ELMOD3: variants seen among roughly 807,000 people sequenced by gnomAD.
The protein encoded by ELMOD3 is ELMO domain containing 3.
In ELMOD3, 36 loss-of-function variants were observed where a neutral mutation model predicts 47.4. The observed-to-expected ratio is 0.76, with a 90% CI of 0.58 to 1.00. The LOEUF is 1.00. Ranked by LOEUF, ELMOD3 falls within the 50% of genes least tolerant of loss-of-function variation. ELMOD3 has a pLI of 0.00. For synonymous variants in ELMOD3, 149 were observed against 183.5 expected (o/e 0.81, Z 1.52); for missense variants, 404 against 463.8 (o/e 0.87, Z 1.18).
chr2:85,369,761 G>T lies in ELMOD3; in HGVS notation c.291G>T (p.Gln97His). The T allele has an allele frequency of 1.2e-6, 2 of 1,614,134 alleles. No individual in the cohort carries two copies. The highest frequency in any genetic ancestry group is 1.7e-6 in the Non-Finnish European group (2 of 1,179,984). ...PETGSQASSE[Q>H]PGQLISFSEA... ...CAGGGAGCCAAGCTAGCTCAGAGCA[G>T]CCTGGGCAGCTAATCTCCTTCAGTG... The change falls in exon 8 of 14, where the codon CAG (glutamine) becomes CAT (histidine). Residue 97 changes from glutamine to histidine, a missense_variant. Gln to His is a conservative substitution (Grantham distance 24). Coordinates refer to ENST00000409013, the MANE Select transcript of ELMOD3 (RefSeq NM_001135022.2).
chr2:85,370,769 G>A (rs532582092), intron 8 of ELMOD3, among the ~76,000 whole-genome samples: 1 of 152,216 alleles, frequency 6.6e-6, no homozygotes, highest in Non-Finnish European at 1.5e-5. Context: ...GGGGAGCTGG[G>A]CAGGTGTAAC....
rs761960704 is a variant in ELMOD3, at chr2:85,389,774, C to T, written c.762C>T (p.Ser254=). The T allele has an allele frequency of 1.6e-5, 26 of 1,614,086 alleles. No individual in the cohort carries two copies. Among genetic ancestry groups the T allele is most frequent in the East Asian group, 8.9e-5 (4 of 44,874 alleles). The change falls in exon 12 of 14, where the codon TCC becomes TCT. Residue 254 remains serine (S), a synonymous_variant. Transcript: ENST00000409013. ...HIQQFPFCLM[S]VNITHIAIQA... ...AGCAATTCCCTTTCTGTTTGATGTC[C>T]GTGAACATCACCCACATTGCCATCC...
Position 85,377,345 on chromosome 2 carries a change from A to T in ELMOD3, c.609A>T (p.Gly203=), listed in dbSNP as rs1211999305. 2 of 1,596,542 alleles carry T rather than the reference A, an allele frequency of 1.3e-6. No individual in the cohort carries two copies. Among genetic ancestry groups the T allele is most frequent in the Non-Finnish European group, 1.7e-6 (2 of 1,171,878 alleles). ...GNHWEDLGFQ[G]ANPATDLRGA... ...GTTTCCTCACGGTCTCTGTTACAGGAGCGAATCCAGCCACAGACCTGAGAG... is the reference window on the plus strand; with the variant it reads ...GTTTCCTCACGGTCTCTGTTACAGGTGCGAATCCAGCCACAGACCTGAGAG... Residue 203 remains glycine, a splice_region_variant and synonymous_variant, in exon 11 of 14, where the codon GGA becomes GGT. Transcript: ENST00000409013.
chr2:85,385,137 C>G (rs1325599595), intron 11 of ELMOD3, among the ~76,000 whole-genome samples: 1 of 152,082 alleles, frequency 6.6e-6, no homozygotes, highest in Non-Finnish European at 1.5e-5. Context: ...AAGCTGATAT[C>G]TGGGAGAAGA....
chr2:85,357,430 G>A (rs1683641326), intron 4 of ELMOD3, 178 bp downstream of exon 4: 11 of 428,506 alleles, frequency 2.6e-5, no homozygotes, highest in Non-Finnish European at 4.1e-6. Flanking sequence ...CTAATAGCTT[G>A]TTTTGTAAGT....
chr2:85,387,204 G>A, intron 11 of ELMOD3: 1 of 1,211,014 alleles, frequency 8.3e-7, no homozygotes, highest in South Asian at 1.5e-5. Flanking sequence ...CATCAATGGT[G>A]TTCTCAGCTA....
At position 85,382,954 on chromosome 2, in the gene ELMOD3, AC is replaced by A. The variant is rs1171202776; in HGVS notation, c.738+5481del. 1.6e-3 allele frequency among the ~76,000 whole-genome samples: 180 copies of A among 110,028 alleles called. 1 individual carries two copies. The highest frequency in any genetic ancestry group is 4.4e-3 in the East Asian group (13 of 2,980). 72.2% of individuals were successfully genotyped at this position (110,028 alleles called of 152,430 possible). A position where few individuals can be genotyped will look rare whatever the true frequency, so the allele number is the denominator to read the frequency against. Reference sequence around the variant, plus strand: ...CCAGAAGCAGGAAAAAAAAAAAAAAACAAAAAAAACTCATCTTCCCTGTTAG... The same window carrying A: ...CCAGAAGCAGGAAAAAAAAAAAAAAAAAAAAAAACTCATCTTCCCTGTTAG... On this transcript the variant is annotated intron_variant, in intron 11 of 13. Coordinates refer to ENST00000409013, the MANE Select transcript of ELMOD3 (RefSeq NM_001135022.2).
chr2:85,379,530 G>C (rs1685405020), intron 11 of ELMOD3, among the ~76,000 whole-genome samples: 1 of 152,146 alleles, frequency 6.6e-6, no homozygotes, highest in South Asian at 2.1e-4. Flanking sequence ...AAGACTTGTA[G>C]CCAAGAAAAA....
chr2:85,382,342 G>T (rs1201805419), intron 11 of ELMOD3, among the ~76,000 whole-genome samples: 2 of 151,120 alleles, frequency 1.3e-5, no homozygotes, highest in African/African-American at 2.4e-5. Flanking sequence ...AGAGGCTGAG[G>T]CAGGAGAATG....
chr2:85,358,880 A>G (rs925613748), intron 4 of ELMOD3, among the ~76,000 whole-genome samples: 2 of 152,206 alleles, frequency 1.3e-5, no homozygotes, highest in African/African-American at 2.4e-5. Context: ...TTCCTTGGGT[A>G]TAACTGTGAA....
chr2:85,371,228 C>G lies in ELMOD3; in HGVS notation c.484+19C>G. 6.2e-7 allele frequency: 1 copy of G among 1,614,230 alleles called. No homozygotes were observed. Among genetic ancestry groups the G allele is most frequent in the South Asian group, 1.1e-5 (1 of 91,078 alleles). ...GCTCAGTGTGAGTGCAATGCGAGCC[C>G]ACAGGGCAGTTGCTGCATCTGTGGT... On this transcript the variant is annotated intron_variant, in intron 9 of 13. Transcript: ENST00000409013.
intron 11 of ELMOD3, 22 bp downstream of exon 11, chr2:85,377,496 A>G (rs1414327212): frequency 1.9e-6 from 3 of 1,599,328 alleles, no homozygotes; most frequent in Non-Finnish European, 2.6e-6. Context: ...GTGGGAAGCC[A>G]GAGGAAAGGA....
At chr2:85,390,691 T>A in intron 13 of ELMOD3, 69 bp from the exon 14 acceptor site, 1 of 1,530,250 alleles carries the variant, frequency 6.5e-7, no homozygotes, top group Non-Finnish European at 8.8e-7. Context: ...CTGCTAGGCT[T>A]GAGGCCTTGA....
intron 11 of ELMOD3, among the ~76,000 whole-genome samples, chr2:85,378,399 A>G (rs1685317355): frequency 1.3e-5 from 2 of 152,228 alleles, no homozygotes; most frequent in Non-Finnish European, 2.9e-5. Flanking sequence ...ATATGTGCCC[A>G]AGATAGTCAG....
intron 10 of ELMOD3, among the ~76,000 whole-genome samples, chr2:85,373,918 T>C (rs1275307526): frequency 2.9e-5 from 4 of 137,142 alleles, no homozygotes; most frequent in Non-Finnish European, 6.4e-5. Flanking sequence ...TTCCTAACCC[T>C]CTTTTTTTTT....
Position 85,363,085 on chromosome 2 carries a change from C to T in ELMOD3, c.130-12C>T, listed in dbSNP as rs1379080781. Reference sequence around the variant, plus strand: ...ATTCTATCCTCAAGCTAAAGGTCAGCTGCCTCTACAGATCTCAGAGTTGAA... The same window carrying T: ...ATTCTATCCTCAAGCTAAAGGTCAGTTGCCTCTACAGATCTCAGAGTTGAA... On this transcript the variant is annotated splice_polypyrimidine_tract_variant and intron_variant, in intron 5 of 13. Transcript: ENST00000409013. 6.3e-7 allele frequency: 1 copy of T among 1,587,864 alleles called. No individual in the cohort carries two copies. Among genetic ancestry groups the T allele is most frequent in the South Asian group, 1.1e-5 (1 of 90,280 alleles).
At chr2:85,371,001 C>T in intron 8 of ELMOD3, 85 bp from the exon 9 acceptor site, 2 of 1,484,960 alleles carry the variant, frequency 1.3e-6, no homozygotes, top group Non-Finnish European at 1.8e-6. Context: ...TTTCTGCAAG[C>T]ACTGCCTCTG....
Position 85,368,903 on chromosome 2 carries a change from C to T in ELMOD3, c.268+149C>T, listed in dbSNP as rs12104980. 4,541 of 801,362 alleles carry T rather than the reference C, an allele frequency of 5.7e-3. 99 individuals are homozygous for T. The East Asian group carries it at 0.062, about 11-fold the overall frequency. 49.6% of individuals were successfully genotyped at this position (801,362 alleles called of 1,614,324 possible). On this transcript the variant is annotated intron_variant, in intron 7 of 13. Coordinates refer to ENST00000409013, the MANE Select transcript of ELMOD3 (RefSeq NM_001135022.2). ...TAACTATATAACATAGATTACAGTA[C>T]CTTTTTCAAATCCTAAGATGATGAC... is the stretch of plus-strand genomic sequence containing the variant.
At chr2:85,357,406 G>A in intron 4 of ELMOD3, 154 bp downstream of exon 4, 1 of 457,586 alleles carries the variant, frequency 2.2e-6, no homozygotes. Context: ...TCACCTCAGG[G>A]TCAATTGCTT....
Sources: gnomAD v4.1 joint callset for allele counts (sites outside exome capture counted in the v4.1 genomes callset) on GRCh38, gnomAD v4.1.1 for gene constraint, MANE v1.5 for transcripts, NCBI Gene and HGNC (gene_info 2026-07-23, HGNC 2026-07-21) for gene names.